Variants in CLIP1 observed in about 807,000 individuals in gnomAD.
CLIP1 encodes CAP-Gly domain containing linker protein 1.
In CLIP1, 66 loss-of-function variants were observed where a neutral mutation model predicts 161.6. The observed-to-expected ratio is 0.41, with a 90% CI of 0.33 to 0.50. The LOEUF is 0.50. Among genes scored for constraint, CLIP1 ranks in the 20% least tolerant of loss-of-function variants. The pLI, the probability that CLIP1 is intolerant of heterozygous loss-of-function variation, is 0.27. For synonymous variants in CLIP1, 598 were observed against 626.2 expected (o/e 0.96, Z 0.67); for missense variants, 1,376 against 1,702.0 (o/e 0.81, Z 3.37).
At chr12:122,273,157 G>T in intron 25 of CLIP1, 57 bp from the exon 26 acceptor site, 1 of 1,465,440 alleles carries the variant, frequency 6.8e-7, no homozygotes, top group Non-Finnish European at 9.4e-7. Flanking sequence ...GAAGAGACAA[G>T]AACACTTGCA....
intron 17 of CLIP1, among the ~76,000 whole-genome samples, chr12:122,320,257 C>T (rs1299764448): frequency 2.1e-5 from 3 of 140,668 alleles, no homozygotes; most frequent in African/African-American, 8.4e-5. Context: ...CACAGCGAGA[C>T]TCCGTCTCAA....
At chr12:122,357,272 C>A (rs536923738) in intron 5 of CLIP1, among the ~76,000 whole-genome samples, 84 of 150,950 alleles carry the variant, frequency 5.6e-4, no homozygotes, top group African/African-American at 1.9e-3. Context: ...ATGTGAGGAG[C>A]GCCTCTACCT....
chr12:122,373,197 G>C (rs1164979693), intron 3 of CLIP1, among the ~76,000 whole-genome samples: 1 of 152,136 alleles, frequency 6.6e-6, no homozygotes, highest in Non-Finnish European at 1.5e-5. Flanking sequence ...GGCAGAGGCA[G>C]GTGGATTGCC....
chr12:122,415,474 T>G (rs902207921), intron 1 of CLIP1, among the ~76,000 whole-genome samples: 1 of 123,606 alleles, frequency 8.1e-6, no homozygotes, highest in Non-Finnish European at 1.6e-5. Context: ...AGAGTGAGAC[T>G]CCATCTCAAA....
intron 1 of CLIP1, among the ~76,000 whole-genome samples, chr12:122,409,940 G>A (rs1204040745): frequency 1.1e-4 from 16 of 143,772 alleles, no homozygotes; most frequent in South Asian, 2.2e-4. Flanking sequence ...GTGAGATCTC[G>A]GCTCACTGAA....
At chr12:122,276,263 G>A (rs1955421857) in intron 24 of CLIP1, among the ~76,000 whole-genome samples, 1 of 152,042 alleles carries the variant, frequency 6.6e-6, no homozygotes, top group African/African-American at 2.4e-5. Context: ...ACCTCTGAAG[G>A]CAGACCTACT....
chr12:122,365,339 T>A, intron 3 of CLIP1: 1 of 950,664 alleles, frequency 1.1e-6, no homozygotes, highest in Non-Finnish European at 1.7e-6. Flanking sequence ...ATGGCAAAAG[T>A]GGAAGTCTAC....
intron 19 of CLIP1, among the ~76,000 whole-genome samples, chr12:122,313,179 A>G (rs1245130627): frequency 6.6e-6 from 1 of 152,204 alleles, no homozygotes; most frequent in Non-Finnish European, 1.5e-5. Flanking sequence ...CAAGTCACTG[A>G]CAGGAAGATG....
chr12:122,402,427 A>G (rs1956176382), intron 1 of CLIP1, among the ~76,000 whole-genome samples: 1 of 151,674 alleles, frequency 6.6e-6, no homozygotes, highest in Admixed American at 6.6e-5. Flanking sequence ...TTTAGTTAGA[A>G]GCTGCAGAGA....
intron 21 of CLIP1, chr12:122,280,127 C>G (rs12815512): frequency 0.49 from 73,941 of 151,846 alleles, 21,325 homozygotes; most frequent in African/African-American, 0.8. Flanking sequence ...AGGCTGGAGT[C>G]CAGTGGTGCG....
chr12:122,318,267 G>T (rs1167842575), intron 18 of CLIP1, among the ~76,000 whole-genome samples: 1 of 152,188 alleles, frequency 6.6e-6, no homozygotes, highest in African/African-American at 2.4e-5. Context: ...GGGCGTGGTG[G>T]CTCATGCCTG....
chr12:122,292,908 CAGG>C (rs1318986168), intron 20 of CLIP1, among the ~76,000 whole-genome samples: 2 of 147,926 alleles, frequency 1.4e-5, no homozygotes, highest in Admixed American at 6.9e-5. Context: ...GAGGCTGAGG[CAGG>C]AGAATGGCAT....
chr12:122,414,077 T>C (rs1158810245), intron 1 of CLIP1, among the ~76,000 whole-genome samples: 1 of 152,116 alleles, frequency 6.6e-6, no homozygotes, highest in Non-Finnish European at 1.5e-5. Flanking sequence ...TGTTTTTATT[T>C]TTTAATTTTG....
chr12:122,360,119 T>A (rs778106785), intron 5 of CLIP1, among the ~76,000 whole-genome samples: 7 of 152,130 alleles, frequency 4.6e-5, no homozygotes, highest in Non-Finnish European at 7.4e-5. Context: ...TTTCCTAGTA[T>A]CCTCTTCCAG....
At chr12:122,376,983 A>C (rs2136778620) in intron 3 of CLIP1, among the ~76,000 whole-genome samples, 1 of 151,620 alleles carries the variant, frequency 6.6e-6, no homozygotes, top group East Asian at 1.9e-4. Flanking sequence ...CTCTGAGCCA[A>C]GGAGTATCCT....
chr12:122,339,720 C>A (rs1952407399), intron 11 of CLIP1, among the ~76,000 whole-genome samples: 1 of 152,090 alleles, frequency 6.6e-6, no homozygotes, highest in South Asian at 2.1e-4. Flanking sequence ...TGCTTAAGAA[C>A]CAGGATATCT....
intron 1 of CLIP1, among the ~76,000 whole-genome samples, chr12:122,407,427 C>G (rs1956362476): frequency 6.6e-6 from 1 of 152,166 alleles, no homozygotes; most frequent in South Asian, 2.1e-4. Context: ...AAACTGACCT[C>G]CCCAGCCAAG....
In CLIP1 at chr12:122,355,556, C is replaced by A; in HGVS notation, c.1006-244G>T. 1.5e-5 allele frequency: 7 copies of A among 456,956 alleles called. No homozygotes were observed. The highest frequency in any genetic ancestry group is 1.2e-4 in the South Asian group (5 of 41,342). 28.3% of individuals were successfully genotyped at this position (456,956 alleles called of 1,614,324 possible). ...AGGTGCGGTGGCTCATGCCTGTAAT[C>A]CTAGCACTTCAGGAGGCCAAGGCGG... On this transcript the variant is annotated intron_variant, in intron 5 of 25. Transcript: ENST00000620786. This position sits in a 1 kb window ranked among gnomAD's most constrained non-coding sequence, Gnocchi z 4.1.
At chr12:122,273,792 C>T (rs1350916607) in intron 25 of CLIP1, among the ~76,000 whole-genome samples, 2 of 151,904 alleles carry the variant, frequency 1.3e-5, no homozygotes, top group African/African-American at 2.4e-5. Flanking sequence ...AGTACAGTGG[C>T]GCAATCTCGG....
Sources: allele counts gnomAD v4.1 joint callset (sites outside exome capture counted in the v4.1 genomes callset), GRCh38; gene constraint gnomAD v4.1.1; non-coding constraint Gnocchi (gnomAD v3.1); transcripts MANE v1.5; gene names NCBI Gene and HGNC (gene_info 2026-07-23, HGNC 2026-07-21).